Variants in CSMD2 observed in about 807,000 individuals in gnomAD.
CSMD2 encodes the protein CUB and Sushi multiple domains 2, also known as CUB and sushi domain-containing protein 2.
Under a neutral mutation model 398.5 loss-of-function variants are expected in CSMD2, and 130 were observed. The observed-to-expected ratio is 0.33, with a 90% CI of 0.28 to 0.38. The LOEUF is 0.38. Among genes scored for constraint, CSMD2 ranks in the 10% least tolerant of loss-of-function variants. CSMD2 has a pLI of 1.00. For missense variants in CSMD2, 3,829 were observed against 4,764.9 expected, an observed-to-expected ratio of 0.80 and a Z score of 5.78; for synonymous variants, 1,828 against 1,908.5, an observed-to-expected ratio of 0.96 and a Z score of 1.10.
At chr1:33,609,338 C>A (rs1640845247) in intron 41 of CSMD2, among the ~76,000 whole-genome samples, 1 of 152,222 alleles carries the variant, frequency 6.6e-6, no homozygotes, top group Non-Finnish European at 1.5e-5. Context: ...TCTTCTCTGG[C>A]AAGGGAGGAG....
At chr1:33,645,100 T>G (rs760972586) in intron 29 of CSMD2, among the ~76,000 whole-genome samples, 1 of 152,048 alleles carries the variant, frequency 6.6e-6, no homozygotes, top group Non-Finnish European at 1.5e-5. Flanking sequence ...ATGTGTGAGC[T>G]CATGTGAGAT....
chr1:33,551,082 C>T (rs2148630014), intron 55 of CSMD2, among the ~76,000 whole-genome samples: 1 of 152,312 alleles, frequency 6.6e-6, no homozygotes, highest in Middle Eastern at 3.4e-3. Flanking sequence ...TGAGAAGTTA[C>T]TTGAATGATG....
intron 3 of CSMD2, among the ~76,000 whole-genome samples, chr1:34,030,862 AC>A (rs981429386): frequency 6.6e-6 from 1 of 152,054 alleles, no homozygotes; most frequent in African/African-American, 2.4e-5. Context: ...AGTGTCCCTG[AC>A]CCAGTCTCCC....
chr1:33,708,909 T>G (rs1042254170), intron 22 of CSMD2, among the ~76,000 whole-genome samples, 180 bp downstream of exon 22: 5 of 152,172 alleles, frequency 3.3e-5, no homozygotes, highest in Admixed American at 6.5e-5. Context: ...AACCATATTC[T>G]TAGATACCCA....
At position 33,624,169 on chromosome 1, in the gene CSMD2, C is replaced by T. The variant is rs896788003; in HGVS notation, c.5625+350G>A. 6.6e-6 allele frequency among the ~76,000 whole-genome samples: 1 copy of T among 152,172 alleles called. No individual in the cohort carries two copies. The highest frequency in any genetic ancestry group is 1.5e-5 in the Non-Finnish European group (1 of 68,030). On this transcript the variant is annotated intron_variant, in intron 35 of 70. Coordinates refer to ENST00000373381, the MANE Select transcript of CSMD2 (RefSeq NM_001281956.2). The surrounding 1 kb of genome is among the most constrained non-coding windows in gnomAD (Gnocchi z 4.7). ...ATTTGAGGAACAACTTCTATGAATC[C>T]TTCCCACACTTCAGATTCCAGCTCC...
At chr1:34,127,965 C>T (rs1662914639) in intron 1 of CSMD2, among the ~76,000 whole-genome samples, 1 of 152,064 alleles carries the variant, frequency 6.6e-6, no homozygotes, top group African/African-American at 2.4e-5. Flanking sequence ...CACCACCACA[C>T]CCATCGTCCC....
chr1:33,921,659 G>A (rs1643942693), intron 4 of CSMD2, among the ~76,000 whole-genome samples: 3 of 152,210 alleles, frequency 2.0e-5, no homozygotes, highest in Admixed American at 2.0e-4. Flanking sequence ...AGAGCAAACA[G>A]GCCCTCAGAG....
chr1:33,993,896 C>T (rs1310930028), intron 3 of CSMD2, among the ~76,000 whole-genome samples: 1 of 152,126 alleles, frequency 6.6e-6, no homozygotes, highest in Non-Finnish European at 1.5e-5. Flanking sequence ...CTTCTTTGTA[C>T]GGCTCAAAGG....
In CSMD2 at chr1:33,714,713, G is replaced by A; in HGVS notation, c.3280C>T (p.Gln1094Ter). ...GTCAAGGTGTCGCCCACGCCAAACT[G>A]CAAGCCCTTCCGGATGCTGTAGGCT... ...VPAYSIRKGL[Q>*]FGVGDTLTFS... The change falls in exon 21 of 71, where the codon CAG becomes TAG. Residue 1094 changes from glutamine (Q) to a stop codon, truncating the protein, a stop_gained. Transcript: ENST00000373381. LOFTEE classifies it high-confidence loss of function. The A allele has an allele frequency of 6.2e-7, 1 of 1,614,142 alleles. No homozygotes were observed. The highest frequency in any genetic ancestry group is 8.5e-7 in the Non-Finnish European group (1 of 1,180,032).
At chr1:33,538,998 C>A (rs1656070099) in intron 60 of CSMD2, among the ~76,000 whole-genome samples, 1 of 151,896 alleles carries the variant, frequency 6.6e-6, no homozygotes, top group Non-Finnish European at 1.5e-5. Flanking sequence ...GATGGAGTCT[C>A]ACTCTGTCGC....
intron 3 of CSMD2, 124 bp from the exon 4 acceptor site, chr1:33,936,078 G>T: frequency 1.4e-6 from 1 of 731,060 alleles, no homozygotes; most frequent in Non-Finnish European, 2.2e-6. Context: ...CTTCTTCTGT[G>T]AACAGCATTG....
intron 2 of CSMD2, among the ~76,000 whole-genome samples, chr1:34,042,818 C>T (rs936992147): frequency 1.3e-5 from 2 of 152,114 alleles, no homozygotes; most frequent in African/African-American, 2.4e-5. Context: ...GAAGGAGTCT[C>T]GCTCTGTGGC....
chr1:34,027,455 G>A (rs1303699482), intron 3 of CSMD2, among the ~76,000 whole-genome samples: 3 of 152,170 alleles, frequency 2.0e-5, no homozygotes, highest in African/African-American at 7.2e-5. Flanking sequence ...CTGAAGACAC[G>A]ATGGAATTAT....
intron 1 of CSMD2, among the ~76,000 whole-genome samples, chr1:34,127,777 T>C (rs1662894130): frequency 6.6e-6 from 1 of 151,944 alleles, no homozygotes; most frequent in Non-Finnish European, 1.5e-5. Context: ...CAGAGCTGAG[T>C]TGCAGGACTG....
chr1:33,798,706 A>C (rs1655244937), intron 10 of CSMD2, among the ~76,000 whole-genome samples: 1 of 152,204 alleles, frequency 6.6e-6, no homozygotes. Flanking sequence ...AGACCAGTGG[A>C]GGCTGATGCA....
chr1:33,540,462 C>T (rs570322333), intron 60 of CSMD2, 63 bp downstream of exon 60: 80 of 1,570,964 alleles, frequency 5.1e-5, no homozygotes, highest in Admixed American at 1.2e-4. Flanking sequence ...CACAAAGCTC[C>T]GAGGAGGCAA....
intron 2 of CSMD2, among the ~76,000 whole-genome samples, chr1:34,047,490 G>T (rs1033760033): frequency 6.6e-6 from 1 of 152,032 alleles, no homozygotes; most frequent in Non-Finnish European, 1.5e-5. Context: ...ATCATAATCT[G>T]ACTTCCTATA....
chr1:34,067,831 TC>T (rs760203113), intron 2 of CSMD2, among the ~76,000 whole-genome samples: 12 of 152,216 alleles, frequency 7.9e-5, no homozygotes, highest in Non-Finnish European at 1.5e-4. Flanking sequence ...AGATGCTTTT[TC>T]AAACTGCACA....
At chr1:33,613,678 G>A (rs1040518631) in intron 40 of CSMD2, among the ~76,000 whole-genome samples, 12 of 152,140 alleles carry the variant, frequency 7.9e-5, no homozygotes, top group South Asian at 2.1e-4. Context: ...CTCACAGACT[G>A]GCATTCAGGG....
Sources: allele counts gnomAD v4.1 joint callset (sites outside exome capture counted in the v4.1 genomes callset), GRCh38; gene constraint gnomAD v4.1.1; non-coding constraint Gnocchi (gnomAD v3.1); transcripts MANE v1.5; gene names NCBI Gene and HGNC (gene_info 2026-07-23, HGNC 2026-07-21).